The following PKIB variants were observed in gnomAD, a reference collection of about 807,000 sequenced individuals.
PKIB encodes PKI-beta.
In PKIB, 2 loss-of-function variants were observed where a neutral mutation model predicts 4.5. The observed-to-expected ratio is 0.44, with a 90% CI of 0.18 to 1.39. PKIB has a LOEUF of 1.39. PKIB is among the 40% of genes most tolerant of loss of function. The pLI, the probability that PKIB is intolerant of heterozygous loss-of-function variation, is 0.27. For missense variants in PKIB, 94 were observed against 92.6 expected (o/e 1.02, Z -0.06); for synonymous variants, 38 against 36.0 (o/e 1.06, Z -0.20).
chr6:122,559,823 C>T (rs1369151576), intron 2 of PKIB, among the ~76,000 whole-genome samples: 1 of 151,936 alleles, frequency 6.6e-6, no homozygotes, highest in Non-Finnish European at 1.5e-5. Context: ...GGGTTGAGTT[C>T]TTGATTTGAT....
chr6:122,547,105 T>C (rs897220188), intron 2 of PKIB, among the ~76,000 whole-genome samples: 1 of 152,076 alleles, frequency 6.6e-6, no homozygotes, highest in Admixed American at 6.5e-5. Context: ...CATTTATATT[T>C]TGGAGAACGG....
intron 2 of PKIB, among the ~76,000 whole-genome samples, chr6:122,666,501 T>C (rs1016719465): frequency 1.3e-5 from 2 of 152,066 alleles, no homozygotes; most frequent in Non-Finnish European, 2.9e-5. Context: ...TTTACTTCTC[T>C]TCCACCTCTA....
intron 4 of PKIB, among the ~76,000 whole-genome samples, chr6:122,720,179 G>C (rs1264564630): frequency 6.6e-6 from 1 of 152,054 alleles, no homozygotes; most frequent in African/African-American, 2.4e-5. Context: ...TCTATCCTTT[G>C]TTTTTATTTT....
At chr6:122,700,014 A>G (rs1778733953) in intron 3 of PKIB, among the ~76,000 whole-genome samples, 1 of 152,162 alleles carries the variant, frequency 6.6e-6, no homozygotes, top group Admixed American at 6.6e-5. Context: ...AGGTTTGCCA[A>G]TTGGTGCATT....
chr6:122,522,148 CA>C (rs34871200), intron 2 of PKIB, among the ~76,000 whole-genome samples: 76,945 of 149,330 alleles, frequency 0.52, 20,264 homozygotes, highest in South Asian at 0.69. Flanking sequence ...AAGTCATTAG[CA>C]AAAAAAAAAC....
chr6:122,599,183 G>A (rs927061700), intron 3 of PKIB, among the ~76,000 whole-genome samples: 1 of 152,132 alleles, frequency 6.6e-6, no homozygotes, highest in African/African-American at 2.4e-5. Context: ...AGCAGCACAG[G>A]GTTTGTCTCC....
At chr6:122,701,355 T>A (rs987446818) in intron 3 of PKIB, 1 of 1,112,894 alleles carries the variant, frequency 9.0e-7, no homozygotes, top group Non-Finnish European at 1.3e-6. Flanking sequence ...CTAGACATGG[T>A]GATCAGAGAG....
At chr6:122,631,941 G>A (rs1459070743) in intron 1 of PKIB, among the ~76,000 whole-genome samples, 1 of 152,160 alleles carries the variant, frequency 6.6e-6, no homozygotes, top group Non-Finnish European at 1.5e-5. Context: ...TCTCCACCAC[G>A]TATAGTTCTT....
intron 1 of PKIB, among the ~76,000 whole-genome samples, chr6:122,632,673 A>T (rs1775748536): frequency 6.6e-6 from 1 of 152,228 alleles, no homozygotes; most frequent in East Asian, 1.9e-4. Flanking sequence ...GTGAGGCATT[A>T]TGCGTAGACT....
chr6:122,474,025 C>G (rs937376933), intron 1 of PKIB, among the ~76,000 whole-genome samples: 52 of 152,148 alleles, frequency 3.4e-4, no homozygotes, highest in Non-Finnish European at 4.0e-4. Context: ...CCCAGCTACT[C>G]AGGAGGCTGA....
chr6:122,641,818 C>T (rs1013231413), intron 2 of PKIB, among the ~76,000 whole-genome samples: 6 of 152,136 alleles, frequency 3.9e-5, no homozygotes, highest in South Asian at 2.1e-4. Flanking sequence ...CTCAGCCTCC[C>T]GAGTAGCTGG....
chr6:122,658,377 G>A (rs1056509390), intron 2 of PKIB, among the ~76,000 whole-genome samples: 1 of 151,998 alleles, frequency 6.6e-6, no homozygotes, highest in Non-Finnish European at 1.5e-5. Flanking sequence ...TACAATTATT[G>A]GCTACATCTT....
At position 122,489,825 on chromosome 6, in the gene PKIB, C is replaced by T. The variant is rs539270686; in HGVS notation, c.-248+11886C>T. Among the ~76,000 whole-genome samples, 26 of 152,282 alleles carry T rather than the reference C, an allele frequency of 1.7e-4. No homozygotes were observed. In the East Asian group the frequency reaches 1.7e-3, roughly 10 times the overall value. ...TCAATCCATTCAGTCTTTGTACTAA[C>T]GGTCACAAAAAAGGAATATTACTTT... On this transcript the variant is annotated intron_variant, in intron 2 of 6. Transcript: ENST00000392491.
chr6:122,577,892 G>C (rs1360350613), intron 2 of PKIB, among the ~76,000 whole-genome samples: 1 of 146,464 alleles, frequency 6.8e-6, no homozygotes, highest in African/African-American at 2.5e-5. Context: ...CTGGGCGACA[G>C]AGCAAGACTC....
At chr6:122,715,839 T>C (rs1372388342) in intron 3 of PKIB, among the ~76,000 whole-genome samples, 2 of 152,080 alleles carry the variant, frequency 1.3e-5, no homozygotes, top group Non-Finnish European at 2.9e-5. Context: ...ATAATCCATT[T>C]CGTGTTGCTT....
upstream of PKIB, among the ~76,000 whole-genome samples, chr6:122,606,094 C>T (rs973269753): frequency 2.0e-5 from 3 of 152,136 alleles, no homozygotes; most frequent in African/African-American, 7.2e-5. Flanking sequence ...TAAGGATCTC[C>T]AGGGGAGATC....
At chr6:122,525,835 A>G (rs1344572145) in intron 2 of PKIB, among the ~76,000 whole-genome samples, 1 of 152,096 alleles carries the variant, frequency 6.6e-6, no homozygotes, top group Non-Finnish European at 1.5e-5. Context: ...ACAACAGTAA[A>G]ATTTGCTATC....
At chr6:122,693,571 T>C (rs1271048432) in intron 3 of PKIB, among the ~76,000 whole-genome samples, 1 of 152,182 alleles carries the variant, frequency 6.6e-6, no homozygotes, top group Non-Finnish European at 1.5e-5. Flanking sequence ...AATATATAAA[T>C]ATGACAATAC....
chr6:122,686,099 T>G (rs1300748490), intron 3 of PKIB, among the ~76,000 whole-genome samples: 1 of 152,234 alleles, frequency 6.6e-6, no homozygotes, highest in African/African-American at 2.4e-5. Flanking sequence ...CTATTGTGAA[T>G]AATGCTGCAG....
Sources: gnomAD v4.1 joint callset for allele counts (sites outside exome capture counted in the v4.1 genomes callset) on GRCh38, gnomAD v4.1.1 for gene constraint, MANE v1.5 for transcripts, NCBI Gene and HGNC (gene_info 2026-07-23, HGNC 2026-07-21) for gene names.